Variants in LGR5 observed in about 807,000 individuals in gnomAD.
LGR5 encodes leucine-rich repeat-containing G protein-coupled receptor 5.
LGR5 carries 54 observed loss-of-function variants against 76.7 expected under a neutral mutation model. The observed-to-expected ratio is 0.70, with a 90% CI of 0.57 to 0.88. The LOEUF (loss-of-function observed/expected upper bound fraction) is 0.88, where lower values mean the gene tolerates loss of function less well. Among genes scored for constraint, LGR5 ranks in the 40% least tolerant of loss-of-function variants. LGR5 has a pLI of 0.00. For missense variants in LGR5, 1,078 were observed against 1,073.3 expected (o/e 1.00, Z -0.06); for synonymous variants, 406 against 421.9 (o/e 0.96, Z 0.46).
chr12:71,505,011 T>G (rs1874787597), intron 2 of LGR5, among the ~76,000 whole-genome samples: 1 of 152,188 alleles, frequency 6.6e-6, no homozygotes, highest in Non-Finnish European at 1.5e-5. Flanking sequence ...ATATTAAAAG[T>G]TTGAATACTG....
At chr12:71,583,506 C>T (rs1232729510) in intron 17 of LGR5, 141 bp from the exon 18 acceptor site, 16 of 905,154 alleles carry the variant, frequency 1.8e-5, no homozygotes, top group Non-Finnish European at 2.6e-5. Flanking sequence ...GATAGTGGAG[C>T]ATGCACATGG....
chr12:71,572,912 T>G lies in LGR5; in HGVS notation c.1199T>G (p.Leu400Arg), dbSNP rs368637483. The change falls in exon 13 of 18, where the codon CTC (leucine) becomes CGC (arginine). Residue 400 changes from leucine (L) to arginine (R), a missense_variant. Physicochemically the swap from Leu to Arg is moderately radical, Grantham distance 102 (BLOSUM62 -2). Coordinates refer to ENST00000266674, the MANE Select transcript of LGR5 (RefSeq NM_003667.4). ...KVDTFQQLLS[L>R]RSLNLAWNKI... Reference sequence around the variant, plus strand: ...GACACTTTCCAGCAGTTGCTTAGCCTCCGATCGCTGTGAGTATCACCTCCC... The same window carrying G: ...GACACTTTCCAGCAGTTGCTTAGCCGCCGATCGCTGTGAGTATCACCTCCC... The G allele has an allele frequency of 1.2e-5, 20 of 1,613,098 alleles. No individual in the cohort carries two copies. Among genetic ancestry groups the G allele is most frequent in the African/African-American group, 2.7e-5 (2 of 74,916 alleles).
Position 71,571,573 on chromosome 12 carries a change from A to G in LGR5, c.1130A>G (p.Gln377Arg). ...AGTTTTTCAGTCTGCCAAAAGCTTC[A>G]GAAAATGTAAGTCTAGAAGTCTCTA... ...LPSFSVCQKL[Q>R]KIDLRHNEIY... Residue 377 changes from glutamine (Q) to arginine (R), a missense_variant, in exon 12 of 18, where the codon CAG becomes CGG. By Grantham distance (43) the Gln-to-Arg change is conservative. Transcript: ENST00000266674. The G allele has an allele frequency of 6.2e-7, 1 of 1,608,422 alleles. No homozygotes were observed. Among genetic ancestry groups the G allele is most frequent in the Non-Finnish European group, 8.5e-7 (1 of 1,175,082 alleles).
intron 1 of LGR5, among the ~76,000 whole-genome samples, chr12:71,474,134 A>G (rs1170047938): frequency 4.3e-5 from 4 of 93,142 alleles, no homozygotes; most frequent in African/African-American, 1.7e-4. Context: ...TCAATTCTAT[A>G]AAAACTAAAT....
At position 71,584,234 on chromosome 12, in the gene LGR5, A is replaced by G. The variant is rs372754642; in HGVS notation, c.2224A>G (p.Ile742Val). ...LNSLCFLMMT[I>V]AYTKLYCNLD... ...TTCCCTTTGCTTCCTCATGATGACC[A>G]TTGCCTACACCAAGCTCTACTGCAA... Residue 742 changes from isoleucine (I) to valine (V), a missense_variant, in exon 18 of 18, where the codon ATT becomes GTT. Physicochemically the swap from Ile to Val is conservative, Grantham distance 29 (BLOSUM62 3). Coordinates refer to ENST00000266674, the MANE Select transcript of LGR5 (RefSeq NM_003667.4). The G allele has an allele frequency of 9.3e-6, 15 of 1,613,908 alleles. No homozygotes were observed. The African/African-American group carries it at 1.9e-4, about 20-fold the overall frequency.
At position 71,462,285 on chromosome 12, in the gene LGR5, CCT is replaced by C. The variant is rs1370810540; in HGVS notation, c.212+21996_212+21997del. ...AGGACTGAGAGTCTGGAGAGAGTTT[CCT>C]CTGTCAACTAGGCCTCTGAATGGCT... On this transcript the variant is annotated intron_variant, in intron 1 of 17. Coordinates refer to ENST00000266674, the MANE Select transcript of LGR5 (RefSeq NM_003667.4). Among the ~76,000 whole-genome samples, 3 of 152,110 alleles carry C rather than the reference CCT, an allele frequency of 2.0e-5. No homozygotes were observed. The East Asian group carries it at 5.8e-4, about 29-fold the overall frequency.
chr12:71,461,594 G>C (rs1028205445), intron 1 of LGR5, among the ~76,000 whole-genome samples: 3 of 152,078 alleles, frequency 2.0e-5, no homozygotes, highest in Admixed American at 2.0e-4. Context: ...AAAAAGCAAA[G>C]GGTCTTTCCT....
At chr12:71,558,841 T>G (rs1877910259) in intron 6 of LGR5, among the ~76,000 whole-genome samples, 1 of 152,188 alleles carries the variant, frequency 6.6e-6, no homozygotes, top group South Asian at 2.1e-4. Context: ...AAAGCACTTG[T>G]GAGTAATGAA....
rs755216438 is a variant in LGR5, at chr12:71,578,807, C to A, written c.1284C>A (p.Asp428Glu). The A allele has an allele frequency of 6.2e-7, 1 of 1,604,770 alleles. No individual in the cohort carries two copies. The highest frequency in any genetic ancestry group is 8.5e-7 in the Non-Finnish European group (1 of 1,175,884). ...ATTGTTGTTTGATGTTTTGCAGGGA[C>A]CTATCGTCCAACCTCCTGTCGTCTT... ...FSTLPSLIKL[D>E]LSSNLLSSFP... is the part of the protein sequence containing the mutation. Residue 428 changes from aspartate to glutamate, a missense_variant, in exon 15 of 18, where the codon GAC becomes GAA. By Grantham distance (45) the Asp-to-Glu change is conservative. Coordinates refer to ENST00000266674, the MANE Select transcript of LGR5 (RefSeq NM_003667.4).
chr12:71,471,908 A>G (rs946562337), intron 1 of LGR5, among the ~76,000 whole-genome samples: 1 of 152,276 alleles, frequency 6.6e-6, no homozygotes, highest in Non-Finnish European at 1.5e-5. Context: ...ATCATGAGGG[A>G]AAAAAACAAC....
intron 2 of LGR5, among the ~76,000 whole-genome samples, chr12:71,508,740 G>A (rs1300260861): frequency 8.6e-6 from 1 of 116,124 alleles, no homozygotes. Flanking sequence ...GTGATAGAGT[G>A]AGACTCAGTC....
chr12:71,482,009 G>A (rs1413077172), intron 1 of LGR5, among the ~76,000 whole-genome samples: 1 of 152,080 alleles, frequency 6.6e-6, no homozygotes, highest in Non-Finnish European at 1.5e-5. Flanking sequence ...CAATTATAAA[G>A]TAATGAAATT....
chr12:71,584,274 A>C lies in LGR5; in HGVS notation c.2264A>C (p.Asp755Ala), dbSNP rs759736871. 4 of 1,614,016 alleles carry C rather than the reference A, an allele frequency of 2.5e-6. No individual in the cohort carries two copies. In the African/African-American group the frequency reaches 5.3e-5, roughly 22 times the overall value. ...CTCTACTGCAATTTGGACAAGGGAG[A>C]CCTGGAGAATATTTGGGACTGCTCT... ...TKLYCNLDKG[D>A]LENIWDCSMV... Residue 755 changes from aspartate to alanine, a missense_variant, in exon 18 of 18, where the codon GAC becomes GCC. Coordinates refer to ENST00000266674, the MANE Select transcript of LGR5 (RefSeq NM_003667.4).
chr12:71,516,311 G>A (rs1875433608), intron 2 of LGR5, among the ~76,000 whole-genome samples: 1 of 152,012 alleles, frequency 6.6e-6, no homozygotes, highest in Non-Finnish European at 1.5e-5. Context: ...ATCAAAAAGG[G>A]AAAGAAAAAA....
intron 1 of LGR5, among the ~76,000 whole-genome samples, chr12:71,460,845 T>A (rs1450558947): frequency 6.6e-6 from 1 of 152,130 alleles, no homozygotes; most frequent in Non-Finnish European, 1.5e-5. Flanking sequence ...TTTTCTTACT[T>A]CTCCACATCT....
intron 13 of LGR5, among the ~76,000 whole-genome samples, chr12:71,576,110 A>G (rs938547307): frequency 2.0e-5 from 3 of 152,300 alleles, no homozygotes; most frequent in African/African-American, 7.2e-5. Context: ...GAGGGAAAGC[A>G]TCAGGATAAA....
At chr12:71,537,048 A>G (rs138897822) in intron 4 of LGR5, among the ~76,000 whole-genome samples, 30 of 152,130 alleles carry the variant, frequency 2.0e-4, no homozygotes, top group African/African-American at 6.7e-4. Flanking sequence ...GGGTTATGCA[A>G]TGTTTGTCAG....
intron 8 of LGR5, among the ~76,000 whole-genome samples, chr12:71,564,790 T>C (rs968242935): frequency 6.7e-6 from 1 of 149,264 alleles, no homozygotes; most frequent in African/African-American, 2.5e-5. Flanking sequence ...TATATACATA[T>C]ATACATATAT....
intron 1 of LGR5, among the ~76,000 whole-genome samples, chr12:71,443,522 G>A (rs190259796): frequency 1.4e-4 from 22 of 152,276 alleles, no homozygotes; most frequent in African/African-American, 3.9e-4. Flanking sequence ...AATAAGGAAC[G>A]CACCAAGGTT....
Sources: gnomAD v4.1 joint callset for allele counts (sites outside exome capture counted in the v4.1 genomes callset) on GRCh38, gnomAD v4.1.1 for gene constraint, MANE v1.5 for transcripts, NCBI Gene and HGNC (gene_info 2026-07-23, HGNC 2026-07-21) for gene names.